Variants in CCDC191 observed in about 807,000 individuals in gnomAD.
CCDC191 encodes coiled-coil domain containing 191, also known as coiled-coil domain-containing protein 191.
Under a neutral mutation model 114.0 loss-of-function variants are expected in CCDC191, and 99 were observed. That is an observed-to-expected ratio of 0.87 (90% CI 0.74 to 1.03). CCDC191 has a LOEUF of 1.03. CCDC191 is among the 50% of genes least tolerant of loss of function. CCDC191 has a pLI of 0.00. For missense variants in CCDC191, 973 were observed against 1,087.0 expected (o/e 0.90, Z 1.47); for synonymous variants, 351 against 376.0 (o/e 0.93, Z 0.77).
chr3:114,032,131 C>T lies in CCDC191; in HGVS notation c.819-352G>A, dbSNP rs909460588. Among the ~76,000 whole-genome samples the T allele has an allele frequency of 5.3e-5, 8 of 151,180 alleles. 1 individual carries two copies. Among genetic ancestry groups the T allele is most frequent in the African/African-American group, 1.2e-4 (5 of 41,068 alleles). ...TAGACATAAATTATCTCCCATAGAA[C>T]GAGAAAAAAAGGATTCTCAAGAAAG... On this transcript the variant is annotated intron_variant, in intron 6 of 16. Transcript: ENST00000295878.
chr3:114,003,839 C>CAATTACAAGACAATT (rs2075897982), intron 11 of CCDC191: 1 of 985,228 alleles, frequency 1.0e-6, no homozygotes, highest in African/African-American at 1.7e-5. Context: ...ATTTACAAAC[C>CAATTACAAGACAATT]ACAATATAAT....
At chr3:114,020,370 A>G (rs1353395079) in intron 7 of CCDC191, among the ~76,000 whole-genome samples, 3 of 152,188 alleles carry the variant, frequency 2.0e-5, no homozygotes, top group African/African-American at 7.2e-5. Flanking sequence ...ATTAGTTTAT[A>G]TTCTTGTTTA....
chr3:113,982,384 TACC>T (rs1373120911), intron 13 of CCDC191, among the ~76,000 whole-genome samples: 2 of 152,180 alleles, frequency 1.3e-5, no homozygotes, highest in Non-Finnish European at 2.9e-5. Flanking sequence ...TCATTAATAT[TACC>T]ACATTTTCAA....
intron 16 of CCDC191, among the ~76,000 whole-genome samples, chr3:113,972,402 T>C (rs1343404452): frequency 6.6e-6 from 1 of 152,206 alleles, no homozygotes; most frequent in African/African-American, 2.4e-5. Context: ...TTCCTCTTAC[T>C]GATTCCTAAT....
rs773515956 is a variant in CCDC191, at chr3:114,046,697, A to G, written c.165T>C (p.Asn55=). The G allele has an allele frequency of 6.2e-7, 1 of 1,612,502 alleles. No individual in the cohort carries two copies. Among genetic ancestry groups the G allele is most frequent in the Non-Finnish European group, 8.5e-7 (1 of 1,178,780 alleles). ...VEKASEFAVS[N]AFFTRNSDLP... is the part of the protein sequence containing the mutation. ...AATCTGAATTTCTAGTAAAAAATGC[A>G]TTTGACACTGCAAACTCTGAGGCTT... The change falls in exon 3 of 17, where the codon AAT becomes AAC. Residue 55 remains asparagine (N), a synonymous_variant. Transcript: ENST00000295878.
intron 2 of CCDC191, among the ~76,000 whole-genome samples, chr3:114,048,188 T>C (rs1387495323): frequency 3.9e-5 from 6 of 152,174 alleles, no homozygotes; most frequent in Non-Finnish European, 8.8e-5. Flanking sequence ...ACTCTATTTT[T>C]AAAATATATA....
At chr3:114,019,028 AT>A (rs1273182576) in intron 7 of CCDC191, among the ~76,000 whole-genome samples, 160 bp from the exon 8 acceptor site, 4 of 152,280 alleles carry the variant, frequency 2.6e-5, no homozygotes, top group Admixed American at 2.6e-4. Flanking sequence ...CAATTCCTTT[AT>A]GCTAATAATG....
At chr3:114,045,388 T>C (rs1429415380) in intron 3 of CCDC191, among the ~76,000 whole-genome samples, 1 of 152,106 alleles carries the variant, frequency 6.6e-6, no homozygotes, top group Non-Finnish European at 1.5e-5. Flanking sequence ...TGTTTATTTA[T>C]TGAGATGGAG....
In CCDC191 at chr3:114,056,524, G is replaced by C. The variant is rs776038549; in HGVS notation, c.-58C>G. The C allele has an allele frequency of 6.2e-7, 1 of 1,612,242 alleles. No individual in the cohort carries two copies. The highest frequency in any genetic ancestry group is 1.3e-5 in the African/African-American group (1 of 74,912). ...CTGCAGCAACCGCCCTTCTGCCCGG[G>C]CTGCCTCCGGGTCACGCTGGGAATT... On this transcript the variant is annotated 5_prime_UTR_variant, in exon 1 of 17. Coordinates refer to ENST00000295878, the MANE Select transcript of CCDC191 (RefSeq NM_020817.2).
intron 13 of CCDC191, among the ~76,000 whole-genome samples, chr3:113,992,728 A>T (rs1465361951): frequency 1.3e-5 from 2 of 149,886 alleles, no homozygotes; most frequent in Admixed American, 6.6e-5. Context: ...AAAGTATAAT[A>T]AAAAAAAAGA....
At chr3:113,983,453 T>C (rs540692441) in intron 13 of CCDC191, among the ~76,000 whole-genome samples, 1 of 152,292 alleles carries the variant, frequency 6.6e-6, no homozygotes, top group East Asian at 1.9e-4. Flanking sequence ...GGATGTCCAA[T>C]AGGTATCTCA....
chr3:114,000,452 G>A (rs2075833094), intron 13 of CCDC191, among the ~76,000 whole-genome samples: 1 of 152,168 alleles, frequency 6.6e-6, no homozygotes, highest in South Asian at 2.1e-4. Flanking sequence ...GGCAGATCAT[G>A]AGACTTCTCA....
At chr3:114,019,297 G>A (rs569172244) in intron 7 of CCDC191, among the ~76,000 whole-genome samples, 1 of 152,262 alleles carries the variant, frequency 6.6e-6, no homozygotes, top group South Asian at 2.1e-4. Context: ...ACAAGTGAAC[G>A]GGGGAGATTC....
At chr3:113,994,657 C>T (rs1222803798) in intron 13 of CCDC191, among the ~76,000 whole-genome samples, 1 of 149,074 alleles carries the variant, frequency 6.7e-6, no homozygotes, top group African/African-American at 2.5e-5. Context: ...AATAATAGCT[C>T]ACTGCAACTT....
At chr3:114,042,041 C>T (rs1361189483) in intron 4 of CCDC191, among the ~76,000 whole-genome samples, 1 of 151,724 alleles carries the variant, frequency 6.6e-6, no homozygotes, top group East Asian at 1.9e-4. Flanking sequence ...TAAGTAATAA[C>T]TAACAGATAA....
intron 11 of CCDC191, chr3:114,003,818 T>TA (rs1176619554): frequency 3.8e-5 from 37 of 985,242 alleles, no homozygotes; most frequent in Non-Finnish European, 4.3e-5. Flanking sequence ...TTGTCACAGG[T>TA]AAAAAATCAA....
intron 8 of CCDC191, among the ~76,000 whole-genome samples, chr3:114,014,445 C>T (rs577049206): frequency 1.1e-4 from 16 of 152,050 alleles, no homozygotes; most frequent in African/African-American, 3.9e-4. Flanking sequence ...TTAACAGGCA[C>T]ACTCCGTAAA....
intron 4 of CCDC191, among the ~76,000 whole-genome samples, chr3:114,037,659 G>A (rs112575715): frequency 6.6e-6 from 1 of 151,940 alleles, no homozygotes; most frequent in African/African-American, 2.4e-5. Context: ...TTGGTTCCAG[G>A]ACCTCCCGAG....
chr3:114,018,797 C>A lies in CCDC191; in HGVS notation c.1044G>T (p.Gly348=). 1 of 1,613,866 alleles carries A rather than the reference C, an allele frequency of 6.2e-7. No homozygotes were observed. The highest frequency in any genetic ancestry group is 8.5e-7 in the Non-Finnish European group (1 of 1,179,848). Residue 348 remains glycine, a synonymous_variant, in exon 8 of 17, where the codon GGG becomes GGT. Transcript: ENST00000295878. ...GCTGAATCTTCCAGTCAGACAGGGT[C>A]CCAGCTTTCCCCAGCTTAATCCTAT... ...LDHRIKLGKA[G]TLSDWKIQLK... is the part of the protein sequence containing the mutation.
Sources: allele counts gnomAD v4.1 joint callset (sites outside exome capture counted in the v4.1 genomes callset), GRCh38; gene constraint gnomAD v4.1.1; transcripts MANE v1.5; gene names NCBI Gene and HGNC (gene_info 2026-07-23, HGNC 2026-07-21).